The following ELOA variants were observed in gnomAD, a reference collection of about 807,000 sequenced individuals.
ELOA encodes elongin-A.
ELOA carries 15 observed loss-of-function variants against 85.2 expected under a neutral mutation model. The observed-to-expected ratio is 0.18, with a 90% CI of 0.12 to 0.27. The LOEUF is 0.27. Among genes scored for constraint, ELOA ranks in the 10% least tolerant of loss-of-function variants. ELOA has a pLI of 1.00. For synonymous variants in ELOA, 348 were observed against 357.2 expected, an observed-to-expected ratio of 0.97 and a Z score of 0.29; for missense variants, 769 against 952.7, an observed-to-expected ratio of 0.81 and a Z score of 2.54.
intron 10 of ELOA, among the ~76,000 whole-genome samples, chr1:23,758,596 T>C (rs1403267807): frequency 6.7e-6 from 1 of 148,280 alleles, no homozygotes; most frequent in Non-Finnish European, 1.5e-5. Flanking sequence ...ATTTATTCTT[T>C]ATATCTAGTT....
intron 4 of ELOA, among the ~76,000 whole-genome samples, 164 bp downstream of exon 4, chr1:23,752,194 G>T (rs1254168599): frequency 6.6e-6 from 1 of 152,180 alleles, no homozygotes; most frequent in Non-Finnish European, 1.5e-5. Context: ...AGGGTATATG[G>T]TACCGCAAAT....
At position 23,759,908 on chromosome 1, in the gene ELOA, C is replaced by T. The variant is rs1557457525; in HGVS notation, c.*335C>T. 1 of 257,646 alleles carries T rather than the reference C, an allele frequency of 3.9e-6. No homozygotes were observed. The highest frequency in any genetic ancestry group is 7.5e-6 in the Non-Finnish European group (1 of 133,100). The allele number at this position is 257,646 out of a possible 1,614,324, so 16.0% of individuals were successfully genotyped here. ...TGCCCCCAGATTGTATTTATATTAT[C>T]CCCCAGGTTTGTTTTTGTTTTTTGT... On this transcript the variant is annotated 3_prime_UTR_variant, in exon 11 of 11. Transcript: ENST00000613537.
chr1:23,751,645 G>A lies in ELOA; in HGVS notation c.1040G>A (p.Ser347Asn). The A allele has an allele frequency of 6.2e-7, 1 of 1,614,222 alleles. No individual in the cohort carries two copies. The highest frequency in any genetic ancestry group is 8.5e-7 in the Non-Finnish European group (1 of 1,180,044). Residue 347 changes from serine (S) to asparagine (N), a missense_variant, in exon 4 of 11, where the codon AGC becomes AAC. Transcript: ENST00000613537. ...KLDKSKQGLD[S>N]FDTGKGAGDL... ...GACAAAAGCAAGCAAGGTCTGGACA[G>A]CTTTGACACAGGAAAAGGAGCAGGA... is the stretch of plus-strand genomic sequence containing the variant.
chr1:23,754,158 C>G lies in ELOA; in HGVS notation c.1596C>G (p.Ser532=), dbSNP rs779681374. 6.2e-7 allele frequency: 1 copy of G among 1,614,162 alleles called. No individual in the cohort carries two copies. The highest frequency in any genetic ancestry group is 1.7e-5 in the Admixed American group (1 of 60,020). Residue 532 remains serine, a synonymous_variant, in exon 6 of 11, where the codon TCC becomes TCG. Transcript: ENST00000613537. Reference sequence around the variant, plus strand: ...GATTTACTGGGCGCAGAATGAATTCCAAGATGCAGGTGTATTCTGGTTCCA... The same window carrying G: ...GATTTACTGGGCGCAGAATGAATTCGAAGATGCAGGTGTATTCTGGTTCCA... ...EAGFTGRRMN[S]KMQVYSGSKC... is the part of the protein sequence containing the mutation.
rs1644758307 is a variant in ELOA at position 23,749,057 on chromosome 1, A to G, written c.112A>G (p.Ile38Val). Residue 38 changes from isoleucine to valine, a missense_variant, in exon 2 of 11, where the codon ATT becomes GTT. Physicochemically the swap from Ile to Val is conservative, Grantham distance 29. Transcript: ENST00000613537. ...KYLKKLSTLP[I>V]TVDILAETGV... ...TTTGAAGAAACTCTCCACCCTGCCTATTACAGTAGACATTCTTGCGGTAAG... is the reference window on the plus strand; with the variant it reads ...TTTGAAGAAACTCTCCACCCTGCCTGTTACAGTAGACATTCTTGCGGTAAG... The G allele has an allele frequency of 1.2e-6, 2 of 1,613,310 alleles. No homozygotes were observed. The highest frequency in any genetic ancestry group is 8.5e-7 in the Non-Finnish European group (1 of 1,179,432).
chr1:23,757,445 T>C (rs1418762652), intron 10 of ELOA, among the ~76,000 whole-genome samples: 1 of 152,034 alleles, frequency 6.6e-6, no homozygotes, highest in Non-Finnish European at 1.5e-5. Flanking sequence ...CTACAAAAAA[T>C]TAAAAAATAG....
At chr1:23,749,673 T>G (rs1020558629) in intron 2 of ELOA, among the ~76,000 whole-genome samples, 169 bp from the exon 3 acceptor site, 3 of 152,210 alleles carry the variant, frequency 2.0e-5, no homozygotes, top group Non-Finnish European at 4.4e-5. Flanking sequence ...CTGTGTGTCA[T>G]TAGAGATTTG....
At position 23,749,035 on chromosome 1, in the gene ELOA, G is replaced by A; in HGVS notation, c.90G>A (p.Leu30=). 2 of 1,613,264 alleles carry A rather than the reference G, an allele frequency of 1.2e-6. No individual in the cohort carries two copies. Among genetic ancestry groups the A allele is most frequent in the Non-Finnish European group, 1.7e-6 (2 of 1,179,498 alleles). The change falls in exon 2 of 11, where the codon TTG becomes TTA. Residue 30 remains leucine (L), a synonymous_variant. Coordinates refer to ENST00000613537, the MANE Select transcript of ELOA (RefSeq NM_003198.3). Reference sequence around the variant, plus strand: ...CTTCTCTGCAGCTATTGAAATATTTGAAGAAACTCTCCACCCTGCCTATTA... The same window carrying A: ...CTTCTCTGCAGCTATTGAAATATTTAAAGAAACTCTCCACCCTGCCTATTA... ...NPDPKKLLKY[L]KKLSTLPITV... is the part of the protein sequence containing the mutation.
chr1:23,750,898 C>G lies in ELOA; in HGVS notation c.293C>G (p.Pro98Arg). ...GAGAAGAGCAATTCCCGAAAGCGCC[C>G]TCGGGATGCCCTGCAGAAGGAGGAG... ...DFEKSNSRKR[P>R]RDALQKEEEM... Residue 98 changes from proline to arginine, a missense_variant, in exon 4 of 11, where the codon CCT becomes CGT. This residue lies in a region of ELOA where 440 missense variants were observed against 474.0 expected (regional missense o/e 0.93). Transcript: ENST00000613537. The G allele has an allele frequency of 6.2e-7, 1 of 1,610,276 alleles. No homozygotes were observed. The highest frequency in any genetic ancestry group is 2.2e-5 in the East Asian group (1 of 44,870).
intron 1 of ELOA, among the ~76,000 whole-genome samples, chr1:23,747,599 A>G (rs1488917613): frequency 6.6e-6 from 1 of 152,196 alleles, no homozygotes; most frequent in Non-Finnish European, 1.5e-5. Flanking sequence ...CTTTAAGTGA[A>G]GGAATTGGCA....
chr1:23,751,823 T>G lies in ELOA; in HGVS notation c.1218T>G (p.Ser406=). Residue 406 remains serine, a synonymous_variant, in exon 4 of 11, where the codon TCT becomes TCG. Transcript: ENST00000613537. ...MEDEFEQPTM[S]FESYLSYDQP... ...ATGAATTCGAGCAGCCAACCATGTC[T>G]TTTGAATCCTACCTCAGCTATGACC... The G allele has an allele frequency of 6.2e-7, 1 of 1,614,182 alleles. No individual in the cohort carries two copies. The highest frequency in any genetic ancestry group is 8.5e-7 in the Non-Finnish European group (1 of 1,180,038).
chr1:23,755,403 G>A (rs1257354092), intron 7 of ELOA, among the ~76,000 whole-genome samples: 1 of 152,054 alleles, frequency 6.6e-6, no homozygotes, highest in Non-Finnish European at 1.5e-5. Flanking sequence ...TTTTTTCCTA[G>A]AATTGTGGTA....
intron 7 of ELOA, among the ~76,000 whole-genome samples, chr1:23,755,519 C>T (rs944996739): frequency 6.6e-6 from 1 of 152,092 alleles, no homozygotes; most frequent in Non-Finnish European, 1.5e-5. Flanking sequence ...TGGTGACACA[C>T]GCCTGTAATC....
Position 23,743,516 on chromosome 1 carries a change from T to G in ELOA, c.13T>G (p.Ser5Ala). 3.3e-6 allele frequency: 5 copies of G among 1,502,884 alleles called. No homozygotes were observed. The highest frequency in any genetic ancestry group is 3.5e-6 in the Non-Finnish European group (4 of 1,131,202). The allele number at this position is 1,502,884 out of a possible 1,614,324, so 93.1% of individuals were successfully genotyped here. A position where few individuals can be genotyped will look rare whatever the true frequency, so the allele number is the denominator to read the frequency against. MAAESALQVVEKLQA... is the reference protein window; with the variant it reads MAAEAALQVVEKLQA... ...GCCAGTGACAGCGATGGCGGCGGAG[T>G]CGGCGCTCCAAGTTGTGGAGAAGCT... Residue 5 changes from serine to alanine, a missense_variant, in exon 1 of 11, where the codon TCG becomes GCG. This residue lies in a region of ELOA where 440 missense variants were observed against 474.0 expected (regional missense o/e 0.93). Coordinates refer to ENST00000613537, the MANE Select transcript of ELOA (RefSeq NM_003198.3).
At chr1:23,745,711 C>G (rs1644743263) in intron 1 of ELOA, among the ~76,000 whole-genome samples, 1 of 152,180 alleles carries the variant, frequency 6.6e-6, no homozygotes, top group African/African-American at 2.4e-5. Flanking sequence ...CCTTGTTCCT[C>G]TCAACCTTCT....
intron 10 of ELOA, among the ~76,000 whole-genome samples, chr1:23,758,255 ATTTATTTTTTT>A (rs1638235703): frequency 5.5e-5 from 2 of 36,220 alleles, no homozygotes; most frequent in Admixed American, 4.0e-4. Context: ...CAATTTATTT[ATTTATTTTTTT>A]TTTTTTTTTT....
chr1:23,758,744 A>G (rs1007084267), intron 10 of ELOA, among the ~76,000 whole-genome samples: 10 of 151,802 alleles, frequency 6.6e-5, no homozygotes, highest in African/African-American at 1.5e-4. Flanking sequence ...AGCTACAGCT[A>G]TGCTCAGATG....
At position 23,749,000 on chromosome 1, in the gene ELOA, T is replaced by A. The variant is rs536414623; in HGVS notation, c.76-21T>A. On this transcript the variant is annotated intron_variant, in intron 1 of 10. Coordinates refer to ENST00000613537, the MANE Select transcript of ELOA (RefSeq NM_003198.3). ...GTTAAAGTGAATTTGACTATTGAAA[T>A]TAATGTTTTCTTCTCTGCAGCTATT... 7 of 1,604,888 alleles carry A rather than the reference T, an allele frequency of 4.4e-6. No individual in the cohort carries two copies. In the South Asian group the frequency reaches 6.6e-5, roughly 15 times the overall value.
At chr1:23,743,826 G>A (rs1024304368) in intron 1 of ELOA, among the ~76,000 whole-genome samples, 8 of 152,142 alleles carry the variant, frequency 5.3e-5, no homozygotes, top group East Asian at 1.9e-4. Flanking sequence ...CGCCCGGTGC[G>A]GACACCGCGT....
Sources: allele counts gnomAD v4.1 joint callset (sites outside exome capture counted in the v4.1 genomes callset), GRCh38; gene constraint gnomAD v4.1.1; regional missense constraint gnomAD v4.1.1; transcripts MANE v1.5; gene names NCBI Gene and HGNC (gene_info 2026-07-23, HGNC 2026-07-21).